UTRN: variants seen among roughly 807,000 people sequenced by gnomAD.
UTRN encodes the protein dystrophin-related protein 1.
Under a neutral mutation model 463.9 loss-of-function variants are expected in UTRN, and 283 were observed. The observed-to-expected ratio is 0.61, with a 90% confidence interval of 0.55 to 0.67. The LOEUF (loss-of-function observed/expected upper bound fraction) is 0.67. Ranked by LOEUF, UTRN falls within the 30% of genes least tolerant of loss-of-function variation. The pLI, the probability that UTRN is intolerant of heterozygous loss-of-function variation, is 0.00. For missense variants in UTRN, 3,922 were observed against 4,084.3 expected (o/e 0.96, Z 1.08); for synonymous variants, 1,442 against 1,431.5 (o/e 1.01, Z -0.17).
At chr6:144,377,589 T>C (rs767538432) in intron 2 of UTRN, among the ~76,000 whole-genome samples, 2 of 152,142 alleles carry the variant, frequency 1.3e-5, no homozygotes, top group Non-Finnish European at 2.9e-5. Context: ...ATTGTTGCTA[T>C]TTTTTCTACC....
At chr6:144,847,700 G>T (rs1782141619) in intron 74 of UTRN, among the ~76,000 whole-genome samples, 1 of 152,144 alleles carries the variant, frequency 6.6e-6, no homozygotes, top group South Asian at 2.1e-4. Context: ...CTGTTTTAGG[G>T]TAAAGATTTG....
chr6:144,546,727 T>G (rs1449716835), intron 46 of UTRN, among the ~76,000 whole-genome samples: 1 of 152,148 alleles, frequency 6.6e-6, no homozygotes. Context: ...GAGGATCACT[T>G]GAACTCAGGA....
chr6:144,532,197 A>G (rs1401688601), intron 42 of UTRN, among the ~76,000 whole-genome samples: 1 of 152,232 alleles, frequency 6.6e-6, no homozygotes, highest in Non-Finnish European at 1.5e-5. Context: ...GGAGTTACAG[A>G]TAAGTGTTTA....
At chr6:144,535,515 T>C (rs1797450295) in intron 43 of UTRN, among the ~76,000 whole-genome samples, 1 of 152,238 alleles carries the variant, frequency 6.6e-6, no homozygotes, top group African/African-American at 2.4e-5. Flanking sequence ...GTGAAGCTAA[T>C]ACGTGTTTTT....
At chr6:144,337,860 C>T (rs1776856031) in intron 2 of UTRN, among the ~76,000 whole-genome samples, 1 of 152,206 alleles carries the variant, frequency 6.6e-6, no homozygotes, top group African/African-American at 2.4e-5. Context: ...GGTGATCCAC[C>T]CGCCTCAGCT....
intron 21 of UTRN, among the ~76,000 whole-genome samples, chr6:144,459,661 C>T (rs1203375530): frequency 6.6e-6 from 1 of 152,090 alleles, no homozygotes; most frequent in African/African-American, 2.4e-5. Flanking sequence ...GTGGTGCAAT[C>T]ATAGCTGCAG....
chr6:144,797,645 A>G, intron 63 of UTRN, 179 bp from the exon 64 acceptor site: 1 of 557,650 alleles, frequency 1.8e-6, no homozygotes, highest in South Asian at 4.3e-5. Context: ...TTTTCTACTC[A>G]TAAGTTCTAG....
At chr6:144,495,015 A>C (rs1438011774) in intron 33 of UTRN, among the ~76,000 whole-genome samples, 4 of 152,018 alleles carry the variant, frequency 2.6e-5, no homozygotes, top group Non-Finnish European at 5.9e-5. Context: ...CGATTGGTGT[A>C]TTTACAATCC....
At chr6:144,428,268 T>C (rs1785475568) in intron 7 of UTRN, among the ~76,000 whole-genome samples, 1 of 152,170 alleles carries the variant, frequency 6.6e-6, no homozygotes, top group African/African-American at 2.4e-5. Flanking sequence ...TTTAGGAATA[T>C]CCTGAGAACA....
intron 2 of UTRN, among the ~76,000 whole-genome samples, chr6:144,397,673 T>A (rs1308118378): frequency 1.3e-5 from 2 of 152,126 alleles, no homozygotes; most frequent in African/African-American, 4.8e-5. Context: ...AGGTATTGAC[T>A]AGGCTTATTC....
intron 36 of UTRN, among the ~76,000 whole-genome samples, chr6:144,514,396 T>C (rs1327783825): frequency 6.6e-6 from 1 of 152,254 alleles, no homozygotes. Flanking sequence ...CTTACTTCTG[T>C]ACTCTCCAAT....
chr6:144,598,824 G>A (rs1180140370), intron 51 of UTRN, among the ~76,000 whole-genome samples: 2 of 152,108 alleles, frequency 1.3e-5, no homozygotes, highest in African/African-American at 2.4e-5. Flanking sequence ...TTCCCATCAC[G>A]GCCTGAACTA....
chr6:144,805,296 G>T (rs946033148), intron 65 of UTRN, among the ~76,000 whole-genome samples: 1 of 152,096 alleles, frequency 6.6e-6, no homozygotes, highest in East Asian at 1.9e-4. Context: ...AATGAACAAG[G>T]AAACGAATAA....
At chr6:144,434,297 A>C (rs1379380440) in intron 9 of UTRN, among the ~76,000 whole-genome samples, 1 of 137,622 alleles carries the variant, frequency 7.3e-6, no homozygotes, top group Non-Finnish European at 1.5e-5. Flanking sequence ...GCAGCAGTAC[A>C]GTCCAGCTTC....
chr6:144,656,869 TA>T (rs1779363679), intron 51 of UTRN, among the ~76,000 whole-genome samples: 1 of 152,086 alleles, frequency 6.6e-6, no homozygotes, highest in Admixed American at 6.6e-5. Flanking sequence ...GTTAAGAATT[TA>T]AAAAAAATCT....
At chr6:144,332,892 CTGA>C (rs1380208852) in intron 2 of UTRN, among the ~76,000 whole-genome samples, 1 of 150,950 alleles carries the variant, frequency 6.6e-6, no homozygotes, top group African/African-American at 2.4e-5. Flanking sequence ...TGTTCTCATG[CTGA>C]TATTAACCTT....
At chr6:144,645,512 A>T (rs1229041006) in intron 51 of UTRN, among the ~76,000 whole-genome samples, 3 of 152,236 alleles carry the variant, frequency 2.0e-5, no homozygotes, top group African/African-American at 7.2e-5. Context: ...AATAGGATTC[A>T]CGTCATAAAA....
At chr6:144,307,799 A>G (rs562494811) in intron 2 of UTRN, among the ~76,000 whole-genome samples, 2 of 151,402 alleles carry the variant, frequency 1.3e-5, no homozygotes, top group South Asian at 2.1e-4. Context: ...ATAGATTACT[A>G]ATTAACAGTC....
At chr6:144,678,655 A>G in intron 52 of UTRN, 77 bp downstream of exon 52, 2 of 1,325,666 alleles carry the variant, frequency 1.5e-6, no homozygotes, top group Non-Finnish European at 2.0e-6. Flanking sequence ...TATCAGAAAG[A>G]GAAAGCGCAG....
Sources: allele counts gnomAD v4.1 joint callset (sites outside exome capture counted in the v4.1 genomes callset), GRCh38; gene constraint gnomAD v4.1.1; transcripts MANE v1.5; gene names NCBI Gene and HGNC (gene_info 2026-07-23, HGNC 2026-07-21).